TRHDE: variants seen among roughly 807,000 people sequenced by gnomAD.
TRHDE encodes thyrotropin-releasing hormone-degrading ectoenzyme.
In TRHDE, 72 loss-of-function variants were observed where a neutral mutation model predicts 125.7. That is an observed-to-expected ratio of 0.57 (90% confidence interval 0.47 to 0.70). TRHDE has a LOEUF of 0.70. TRHDE is among the 30% of genes least tolerant of loss of function. The pLI, the probability that TRHDE is intolerant of heterozygous loss-of-function variation, is 0.00. For missense variants in TRHDE, 1,110 were observed against 1,327.1 expected, an observed-to-expected ratio of 0.84 and a Z score of 2.54; for synonymous variants, 509 against 509.1, an observed-to-expected ratio of 1.00 and a Z score of 0.00.
intron 6 of TRHDE, among the ~76,000 whole-genome samples, chr12:72,516,033 T>G (rs1464441680): frequency 6.6e-6 from 1 of 151,414 alleles, no homozygotes; most frequent in Non-Finnish European, 1.5e-5. Context: ...CATGCTGTTT[T>G]GGTTACTGTA....
At chr12:72,372,213 T>A (rs1871631841) in intron 2 of TRHDE, among the ~76,000 whole-genome samples, 1 of 152,214 alleles carries the variant, frequency 6.6e-6, no homozygotes, top group Admixed American at 6.5e-5. Flanking sequence ...TCTGTTCCTA[T>A]CCTTTGCCCA....
At chr12:72,266,650 C>T (rs968872556) in intron 2 of TRHDE, among the ~76,000 whole-genome samples, 1 of 151,816 alleles carries the variant, frequency 6.6e-6, no homozygotes, top group African/African-American at 2.4e-5. Flanking sequence ...ATCCCTAGCA[C>T]AGTGCCTGGC....
intron 3 of TRHDE, among the ~76,000 whole-genome samples, chr12:72,407,231 G>C (rs1374114087): frequency 6.6e-6 from 1 of 152,218 alleles, no homozygotes. Flanking sequence ...GCAGTTGGAA[G>C]CTGTAGAGGA....
intron 15 of TRHDE, among the ~76,000 whole-genome samples, chr12:72,642,391 C>CT (rs1874101444): frequency 6.6e-6 from 1 of 152,112 alleles, no homozygotes; most frequent in African/African-American, 2.4e-5. Flanking sequence ...CACTGAACTT[C>CT]TATGCTTTCA....
At chr12:72,145,973 TC>T (rs1291939595) in intron 2 of TRHDE, among the ~76,000 whole-genome samples, 2 of 152,224 alleles carry the variant, frequency 1.3e-5, no homozygotes, top group East Asian at 3.8e-4. Flanking sequence ...TTTCCTAATT[TC>T]CTCTAAAGAT....
Position 72,667,481 on chromosome 12 carries a change from C to T in TRHDE, c.*4286C>T, listed in dbSNP as rs978408030. ...TATTTATTGAGCATCTTTTATTTCA[C>T]AAGGCACTTAGTGAGGGAAAGGAAT... On this transcript the variant is annotated 3_prime_UTR_variant, in exon 19 of 19. Transcript: ENST00000261180. The T allele has an allele frequency of 6.6e-6, 1 of 151,164 alleles. No individual in the cohort carries two copies. The highest frequency in any genetic ancestry group is 2.4e-5 in the African/African-American group (1 of 41,198). 9.4% of individuals were successfully genotyped at this position (151,164 alleles called of 1,614,324 possible).
At chr12:72,528,802 A>T (rs1868399565) in intron 6 of TRHDE, among the ~76,000 whole-genome samples, 1 of 152,112 alleles carries the variant, frequency 6.6e-6, no homozygotes, top group East Asian at 1.9e-4. Flanking sequence ...AAACAACATT[A>T]AATTAGTTTT....
chr12:72,388,421 T>G (rs991155606), intron 3 of TRHDE, among the ~76,000 whole-genome samples: 1 of 152,186 alleles, frequency 6.6e-6, no homozygotes, highest in Non-Finnish European at 1.5e-5. Flanking sequence ...AAAACAAGTG[T>G]TTTTGCCTGT....
chr12:72,632,585 A>G lies in TRHDE; in HGVS notation c.2675+10834A>G, dbSNP rs150498706. Among the ~76,000 whole-genome samples the G allele has an allele frequency of 2.0e-5, 3 of 152,066 alleles. No individual in the cohort carries two copies. In the East Asian group the frequency reaches 5.8e-4, roughly 29 times the overall value. On this transcript the variant is annotated intron_variant, in intron 15 of 18. Transcript: ENST00000261180. ...GCTGTTCAGTGTTTTAGACTGAGTCATCATAGATATCTTAATTTTTCTACC... is the reference window on the plus strand; with the variant it reads ...GCTGTTCAGTGTTTTAGACTGAGTCGTCATAGATATCTTAATTTTTCTACC...
chr12:72,647,720 A>G (rs189073508), intron 15 of TRHDE, among the ~76,000 whole-genome samples: 7 of 152,266 alleles, frequency 4.6e-5, no homozygotes, highest in African/African-American at 1.4e-4. Context: ...AGACTAATCA[A>G]TGAAGAATTG....
chr12:72,321,613 T>G (rs1311982491), intron 2 of TRHDE, among the ~76,000 whole-genome samples: 1 of 152,156 alleles, frequency 6.6e-6, no homozygotes, highest in African/African-American at 2.4e-5. Context: ...ACCAAGCATT[T>G]CAAAGCCTTT....
chr12:72,273,498 C>T lies in TRHDE; in HGVS notation c.855C>T (p.Leu285=), dbSNP rs1879344383. The T allele has an allele frequency of 6.2e-7, 1 of 1,611,518 alleles. No homozygotes were observed. Among genetic ancestry groups the T allele is most frequent in the Non-Finnish European group, 8.5e-7 (1 of 1,180,014 alleles). Residue 285 remains leucine, a synonymous_variant, in exon 1 of 19, where the codon CTC becomes CTT. Transcript: ENST00000261180. The surrounding 1 kb of genome is among the most constrained non-coding windows in gnomAD (Gnocchi z 5.3). ...ATCTGAAGATTATCTACAACGCGCT[C>T]ATCGAGAATGAGCTCCTGGGCTTCT... ...NYNLKIIYNA[L]IENELLGFFR...
chr12:72,640,692 C>T (rs565653133), intron 15 of TRHDE, among the ~76,000 whole-genome samples: 101 of 152,256 alleles, frequency 6.6e-4, no homozygotes, highest in Non-Finnish European at 6.5e-4. Flanking sequence ...TCTTCTGCAT[C>T]GCTCATGCTG....
intron 18 of TRHDE, 152 bp from the exon 19 acceptor site, chr12:72,662,900 C>CA: frequency 1.6e-6 from 1 of 625,540 alleles, no homozygotes; most frequent in Non-Finnish European, 2.5e-6. Context: ...AAGCTCACTC[C>CA]ACAGTACTAA....
chr12:72,132,635 T>TGCTC (rs58361348), intron 2 of TRHDE, among the ~76,000 whole-genome samples: 11,022 of 152,180 alleles, frequency 0.072, 672 homozygotes, highest in African/African-American at 0.16. Flanking sequence ...AGCTCTAAGT[T>TGCTC]CACACATCAA....
In TRHDE at chr12:72,379,594, G is replaced by A. The variant is rs553436557; in HGVS notation, c.1315+1473G>A. Among the ~76,000 whole-genome samples, 29 of 152,292 alleles carry A rather than the reference G, an allele frequency of 1.9e-4. 1 individual carries two copies. The highest frequency in any genetic ancestry group is 7.0e-4 in the African/African-American group (29 of 41,556). On this transcript the variant is annotated intron_variant, in intron 3 of 18. Coordinates refer to ENST00000261180, the MANE Select transcript of TRHDE (RefSeq NM_013381.3). ...GCAAGTACAGCAAGAGAAATAAAAT[G>A]TGGATCTTTATTTGTCCCCTTCAGA...
chr12:72,440,652 A>G (rs772567019), intron 3 of TRHDE, among the ~76,000 whole-genome samples: 10 of 151,966 alleles, frequency 6.6e-5, no homozygotes, highest in Admixed American at 1.3e-4. Context: ...TAACTGAGGT[A>G]CAAAGAGATT....
intron 15 of TRHDE, among the ~76,000 whole-genome samples, chr12:72,641,861 A>G (rs1306396084): frequency 6.6e-6 from 1 of 152,162 alleles, no homozygotes; most frequent in Non-Finnish European, 1.5e-5. Context: ...GTTTTTATGA[A>G]TGAACAATAT....
chr12:72,125,175 C>T (rs1159212775), intron 2 of TRHDE, among the ~76,000 whole-genome samples: 2 of 151,990 alleles, frequency 1.3e-5, no homozygotes, highest in African/African-American at 2.4e-5. Context: ...ATTACTTTAT[C>T]ATCATAAAAT....
Sources: allele counts gnomAD v4.1 joint callset (sites outside exome capture counted in the v4.1 genomes callset), GRCh38; gene constraint gnomAD v4.1.1; non-coding constraint Gnocchi (gnomAD v3.1); transcripts MANE v1.5; gene names NCBI Gene and HGNC (gene_info 2026-07-23, HGNC 2026-07-21).